The following PCDHA5 variants were observed in gnomAD, a reference collection of about 807,000 sequenced individuals.
PCDHA5 encodes the protein protocadherin alpha-5.
Under a neutral mutation model 61.6 loss-of-function variants are expected in PCDHA5, and 43 were observed. That is an observed-to-expected ratio of 0.70 (90% CI 0.55 to 0.90). PCDHA5 has a LOEUF of 0.90. Ranked by LOEUF, PCDHA5 falls within the 40% of genes least tolerant of loss-of-function variation. PCDHA5 has a pLI of 0.00. For missense variants in PCDHA5, 1,298 were observed against 1,222.7 expected (o/e 1.06, Z -0.92); for synonymous variants, 627 against 543.9 (o/e 1.15, Z -2.13).
chr5:140,929,185 GATA>G (rs1393626283), intron 1 of PCDHA5: 12 of 1,614,168 alleles, frequency 7.4e-6, no homozygotes, highest in Non-Finnish European at 1.0e-5. Flanking sequence ...ACTTGGTTCT[GATA>G]ATAACAGTTT....
chr5:140,941,241 T>TTCTTTCTTTCTTTC (rs1247398838), intron 1 of PCDHA5, among the ~76,000 whole-genome samples: 1 of 140,458 alleles, frequency 7.1e-6, no homozygotes, highest in Non-Finnish European at 1.5e-5. Flanking sequence ...CTTTCTTTCT[T>TTCTTTCTTTCTTTC]TCTTTCTTTC....
At chr5:140,856,280 C>T in intron 1 of PCDHA5, 1 of 1,598,442 alleles carries the variant, frequency 6.3e-7, no homozygotes, top group Non-Finnish European at 8.6e-7. Context: ...GGAGGTAAAT[C>T]TGCAGAATGG....
chr5:140,851,549 T>A (rs2042091129), intron 1 of PCDHA5: 1 of 908,826 alleles, frequency 1.1e-6, no homozygotes, highest in African/African-American at 1.8e-5. Flanking sequence ...ATTCAAGAAA[T>A]GTTGACTGAA....
chr5:140,982,784 C>T (rs568886944), intron 3 of PCDHA5, among the ~76,000 whole-genome samples: 9 of 151,444 alleles, frequency 5.9e-5, no homozygotes, highest in South Asian at 2.1e-4. Flanking sequence ...TGTGTGTGCA[C>T]GCATGTGTGC....
At chr5:140,866,644 T>A (rs531566613) in intron 1 of PCDHA5, 14 of 152,184 alleles carry the variant, frequency 9.2e-5, no homozygotes, top group Non-Finnish European at 1.6e-4. Context: ...GTGTCAAAAT[T>A]TATTTATGTG....
intron 1 of PCDHA5, among the ~76,000 whole-genome samples, chr5:140,972,225 G>A (rs959858462): frequency 3.3e-5 from 5 of 151,474 alleles, no homozygotes; most frequent in Admixed American, 2.0e-4. Context: ...CTGCAGCCTC[G>A]ACCTTCTGGG....
chr5:140,871,468 G>A lies in PCDHA5; in HGVS notation c.2352+47341G>A, dbSNP rs781821721. 4 of 1,602,054 alleles carry A rather than the reference G, an allele frequency of 2.5e-6. No individual in the cohort carries two copies. In the Admixed American group the frequency reaches 5.2e-5, roughly 21 times the overall value. On this transcript the variant is annotated intron_variant, in intron 1 of 3. Transcript: ENST00000529859. Reference sequence around the variant, plus strand: ...TAAAGAGGAGGAAGGGGAAAGACAGGAGCCAGGGTCAAATCACCCCGGACA... The same window carrying A: ...TAAAGAGGAGGAAGGGGAAAGACAGAAGCCAGGGTCAAATCACCCCGGACA...
At chr5:140,911,151 G>A (rs2075350899) in intron 1 of PCDHA5, among the ~76,000 whole-genome samples, 1 of 152,174 alleles carries the variant, frequency 6.6e-6, no homozygotes, top group South Asian at 2.1e-4. Context: ...TTTCTCCTCA[G>A]ACAAATGTGG....
Position 141,010,647 on chromosome 5 carries a change from GT to G in PCDHA5, c.*714del, listed in dbSNP as rs782752760. ...CATACCTGCAAGCCAACAGTTCAGT[GT>G]TTTAACAGAGAACCACCCTGGGAAA... On this transcript the variant is annotated 3_prime_UTR_variant, in exon 4 of 4. Coordinates refer to ENST00000529859, the MANE Select transcript of PCDHA5 (RefSeq NM_018908.3). 4.6e-5 allele frequency: 8 copies of G among 173,154 alleles called. No homozygotes were observed. Among genetic ancestry groups the G allele is most frequent in the Admixed American group, 1.2e-4 (2 of 16,978 alleles). 10.7% of individuals were successfully genotyped at this position (173,154 alleles called of 1,614,324 possible).
Position 140,842,900 on chromosome 5 carries a change from G to A in PCDHA5, c.2352+18773G>A, listed in dbSNP as rs2150347456. ...CGCGCTGCAGCCGCTGGACCACGAG[G>A]AGCTAGAGCTGCTGCAGTTCCAGGT... On this transcript the variant is annotated intron_variant, in intron 1 of 3. Transcript: ENST00000529859. 6.3e-7 allele frequency: 1 copy of A among 1,594,414 alleles called. No homozygotes were observed. The highest frequency in any genetic ancestry group is 2.2e-5 in the East Asian group (1 of 44,796).
At chr5:140,924,767 C>T (rs782265529) in intron 1 of PCDHA5, among the ~76,000 whole-genome samples, 3 of 151,618 alleles carry the variant, frequency 2.0e-5, no homozygotes, top group South Asian at 2.1e-4. Flanking sequence ...TGGTGGTGCG[C>T]GCTTGTAGTC....
intron 1 of PCDHA5, chr5:140,869,685 T>G: frequency 6.2e-7 from 1 of 1,613,500 alleles, no homozygotes; most frequent in Non-Finnish European, 8.5e-7. Flanking sequence ...GACTGTCACT[T>G]ATTTTAAAGA....
chr5:140,980,317 A>G (rs1435571559), intron 2 of PCDHA5, among the ~76,000 whole-genome samples: 1 of 152,194 alleles, frequency 6.6e-6, no homozygotes, highest in Non-Finnish European at 1.5e-5. Context: ...TAAAAACTAC[A>G]TTTGAAATAA....
At chr5:140,825,903 A>G (rs1486709697) in intron 1 of PCDHA5, 1 of 152,468 alleles carries the variant, frequency 6.6e-6, no homozygotes, top group Non-Finnish European at 1.5e-5. Flanking sequence ...TGTATGTTTG[A>G]GACTACGCTA....
At chr5:140,880,514 T>A (rs2058367516) in intron 1 of PCDHA5, among the ~76,000 whole-genome samples, 1 of 152,198 alleles carries the variant, frequency 6.6e-6, no homozygotes, top group African/African-American at 2.4e-5. Context: ...TTTGGTCACA[T>A]CTCTCAATGT....
chr5:140,930,196 T>A (rs1554207641), intron 1 of PCDHA5: 3 of 152,226 alleles, frequency 2.0e-5, no homozygotes, highest in African/African-American at 7.2e-5. Context: ...AATTTTTATG[T>A]CAGAAATATT....
intron 1 of PCDHA5, among the ~76,000 whole-genome samples, chr5:140,952,848 T>A (rs10476804): frequency 0.013 from 2,044 of 152,238 alleles, 38 homozygotes; most frequent in African/African-American, 0.047. Context: ...CTGCTTGTCT[T>A]CTGGGGAGGC....
intron 1 of PCDHA5, among the ~76,000 whole-genome samples, chr5:140,939,041 T>G (rs2092303651): frequency 6.6e-6 from 1 of 152,222 alleles, no homozygotes; most frequent in Admixed American, 6.5e-5. Context: ...AAGAGTTGTC[T>G]TAGTCCATTT....
chr5:140,957,698 A>T (rs1554223065), intron 1 of PCDHA5, among the ~76,000 whole-genome samples: 1 of 152,174 alleles, frequency 6.6e-6, no homozygotes. Flanking sequence ...AATGAACATT[A>T]TGTAGTTTTT....
Sources: gnomAD v4.1 joint callset for allele counts (sites outside exome capture counted in the v4.1 genomes callset) on GRCh38, gnomAD v4.1.1 for gene constraint, MANE v1.5 for transcripts, NCBI Gene and HGNC (gene_info 2026-07-23, HGNC 2026-07-21) for gene names.